The following EBF3 variants were observed in gnomAD, a reference collection of about 807,000 sequenced individuals.
The protein encoded by EBF3 is transcription factor COE3.
Under a neutral mutation model 77.1 loss-of-function variants are expected in EBF3, and 18 were observed. The observed-to-expected ratio is 0.23, with a 90% confidence interval of 0.16 to 0.35. The LOEUF (loss-of-function observed/expected upper bound fraction) is 0.35, where lower values mean the gene tolerates loss of function less well. Among genes scored for constraint, EBF3 ranks in the 10% least tolerant of loss-of-function variants. EBF3 has a pLI of 1.00. For missense variants in EBF3, 558 were observed against 860.0 expected, an observed-to-expected ratio of 0.65 and a Z score of 4.39; for synonymous variants, 350 against 343.5, an observed-to-expected ratio of 1.02 and a Z score of -0.21.
rs1858759015 is a variant in EBF3, at chr10:129,952,721, G to A, written c.554+4537C>T. On this transcript the variant is annotated intron_variant, in intron 6 of 16. Transcript: ENST00000440978. This position sits in a 1 kb window ranked among gnomAD's most constrained non-coding sequence, Gnocchi z 4.7. ...AAACAACCTGACAAGAAGATGTAAA[G>A]GGCTAGGGAATAACCCGGTGCTGTT... Among the ~76,000 whole-genome samples the A allele has an allele frequency of 2.0e-5, 3 of 152,134 alleles. No individual in the cohort carries two copies. Among genetic ancestry groups the A allele is most frequent in the Non-Finnish European group, 4.4e-5 (3 of 68,032 alleles).
chr10:129,890,753 G>A lies in EBF3; in HGVS notation c.555-12904C>T, dbSNP rs537586741. On this transcript the variant is annotated intron_variant, in intron 6 of 16. Coordinates refer to ENST00000440978, the MANE Select transcript of EBF3 (RefSeq NM_001375380.1). ...TTGCCCGTTATCCCAAAGTCTTTTT[G>A]TTGTAAATTGCAATTTTACAACTTC... Among the ~76,000 whole-genome samples, 13 of 152,164 alleles carry A rather than the reference G, an allele frequency of 8.5e-5. No homozygotes were observed. In the South Asian group the frequency reaches 2.7e-3, roughly 32 times the overall value.
chr10:129,890,681 T>G (rs1044922482), intron 6 of EBF3, among the ~76,000 whole-genome samples: 3 of 152,256 alleles, frequency 2.0e-5, no homozygotes, highest in African/African-American at 7.2e-5. Flanking sequence ...TTAAATTGCT[T>G]ACAAAGCCTC....
Position 129,885,266 on chromosome 10 carries a change from C to G in EBF3, c.555-7417G>C, listed in dbSNP as rs1225878036. ...TTCAATATCCCCTTCCAGAACAGAT[C>G]CCCGCCAAGTCCTCCGTTTGGAGAA... is the stretch of plus-strand genomic sequence containing the variant. On this transcript the variant is annotated intron_variant, in intron 6 of 16. Transcript: ENST00000440978. The surrounding 1 kb of genome is among the most constrained non-coding windows in gnomAD (Gnocchi z 4.0). Among the ~76,000 whole-genome samples the G allele has an allele frequency of 1.3e-5, 2 of 152,098 alleles. No homozygotes were observed. The highest frequency in any genetic ancestry group is 2.9e-5 in the Non-Finnish European group (2 of 68,018).
At position 129,837,778 on chromosome 10, in the gene EBF3, TA is replaced by T. The variant is rs1849699552; in HGVS notation, c.*164del. 3 of 853,400 alleles carry T rather than the reference TA, an allele frequency of 3.5e-6. No homozygotes were observed. Among genetic ancestry groups the T allele is most frequent in the Non-Finnish European group, 1.8e-6 (1 of 546,614 alleles). The allele number at this position is 853,400 out of a possible 1,614,324, so 52.9% of individuals were successfully genotyped here. A position where few individuals can be genotyped will look rare whatever the true frequency, so the allele number is the denominator to read the frequency against. On this transcript the variant is annotated 3_prime_UTR_variant, in exon 17 of 17. Transcript: ENST00000440978. The stretch of plus-strand genomic sequence containing the variant: ...GCATGTTGATTCTTAATAGTTTAAA[TA>T]AAATCTTTAAACAAAGTCTTTTGTA...
intron 6 of EBF3, among the ~76,000 whole-genome samples, chr10:129,916,938 C>T (rs1259511585): frequency 6.6e-6 from 1 of 152,208 alleles, no homozygotes; most frequent in African/African-American, 2.4e-5. Context: ...AAGCCACATC[C>T]AGGCCTGAGT....
chr10:129,901,947 A>G (rs1413390641), intron 6 of EBF3, among the ~76,000 whole-genome samples: 1 of 152,204 alleles, frequency 6.6e-6, no homozygotes, highest in Admixed American at 6.5e-5. Flanking sequence ...CAGCTAACGA[A>G]CATTCCCAAA....
intron 8 of EBF3, among the ~76,000 whole-genome samples, chr10:129,871,952 A>G (rs1178948104): frequency 6.6e-6 from 1 of 152,214 alleles, no homozygotes; most frequent in African/African-American, 2.4e-5. Context: ...ATAGCTTTTG[A>G]TTAGTTGGGT....
chr10:129,928,735 G>T (rs904087972), intron 6 of EBF3, among the ~76,000 whole-genome samples: 5 of 152,172 alleles, frequency 3.3e-5, no homozygotes, highest in African/African-American at 9.7e-5. Context: ...ACTCCACTAG[G>T]TCAGAGAAGG....
intron 10 of EBF3, among the ~76,000 whole-genome samples, chr10:129,860,990 A>C (rs1225147386): frequency 6.6e-6 from 1 of 152,260 alleles, no homozygotes; most frequent in Non-Finnish European, 1.5e-5. Context: ...CAATAGCACA[A>C]ACGGTGTGTC....
chr10:129,888,621 C>T (rs924175890), intron 6 of EBF3, among the ~76,000 whole-genome samples: 10 of 152,198 alleles, frequency 6.6e-5, no homozygotes, highest in Non-Finnish European at 1.3e-4. Flanking sequence ...GTCCCGGCCG[C>T]GGTGGGAACC....
At chr10:129,873,982 T>C (rs1260294588) in intron 7 of EBF3, among the ~76,000 whole-genome samples, 4 of 152,224 alleles carry the variant, frequency 2.6e-5, no homozygotes. Context: ...TTTATCTAAT[T>C]AAAATGAGTT....
intron 6 of EBF3, among the ~76,000 whole-genome samples, chr10:129,948,266 A>C (rs1214029749): frequency 1.4e-5 from 2 of 143,040 alleles, no homozygotes; most frequent in African/African-American, 2.5e-5. Context: ...TCTCAAAAAA[A>C]AAAAAAAAAA....
chr10:129,882,959 A>G (rs1389700290), intron 6 of EBF3, among the ~76,000 whole-genome samples: 1 of 152,214 alleles, frequency 6.6e-6, no homozygotes, highest in African/African-American at 2.4e-5. Flanking sequence ...GGAGAAATAG[A>G]TTGTCTCCTT....
intron 6 of EBF3, among the ~76,000 whole-genome samples, chr10:129,925,326 A>C (rs951866107): frequency 1.3e-5 from 2 of 152,000 alleles, no homozygotes; most frequent in Non-Finnish European, 2.9e-5. Context: ...TGGAGCTGGC[A>C]CCACAGACCC....
intron 7 of EBF3, among the ~76,000 whole-genome samples, chr10:129,877,336 C>T (rs918679948): frequency 5.5e-4 from 83 of 152,094 alleles, no homozygotes; most frequent in African/African-American, 1.9e-3. Context: ...ACTAAAAATA[C>T]TGGGTGTGGT....
At chr10:129,862,559 G>A (rs567042692) in intron 10 of EBF3, among the ~76,000 whole-genome samples, 6 of 152,230 alleles carry the variant, frequency 3.9e-5, no homozygotes, top group South Asian at 2.1e-4. Flanking sequence ...ACCCAGCCAC[G>A]TCCCCAGGGT....
At chr10:129,875,219 T>C (rs866609599) in intron 7 of EBF3, among the ~76,000 whole-genome samples, 1 of 135,830 alleles carries the variant, frequency 7.4e-6, no homozygotes, top group Non-Finnish European at 1.5e-5. Context: ...TTTTTTGAGA[T>C]GGAGTCTCGC....
At chr10:129,853,993 C>A (rs1851072760) in intron 10 of EBF3, among the ~76,000 whole-genome samples, 1 of 152,134 alleles carries the variant, frequency 6.6e-6, no homozygotes, top group Non-Finnish European at 1.5e-5. Flanking sequence ...GCTTTTCTTT[C>A]AAAAATGACT....
At chr10:129,915,827 A>G (rs1855851451) in intron 6 of EBF3, among the ~76,000 whole-genome samples, 1 of 152,216 alleles carries the variant, frequency 6.6e-6, no homozygotes, top group South Asian at 2.1e-4. Flanking sequence ...GAAGATGAGA[A>G]GGGGCTGGCA....
Sources: allele counts gnomAD v4.1 joint callset (sites outside exome capture counted in the v4.1 genomes callset), GRCh38; gene constraint gnomAD v4.1.1; non-coding constraint Gnocchi (gnomAD v3.1); transcripts MANE v1.5; gene names NCBI Gene and HGNC (gene_info 2026-07-23, HGNC 2026-07-21).